MYOM2: variants seen among roughly 807,000 people sequenced by gnomAD.
MYOM2 encodes the protein myomesin-2.
Under a neutral mutation model 187.6 loss-of-function variants are expected in MYOM2, and 254 were observed. The ratio of observed to expected loss-of-function variants is 1.35; its 90% CI spans 1.22 to 1.50. The LOEUF is 1.50. MYOM2 is among the 40% of genes most tolerant of loss of function. The pLI is 0.00. For synonymous variants in MYOM2, 981 were observed against 753.8 expected (o/e 1.30, Z -4.94); for missense variants, 2,796 against 1,924.0 (o/e 1.45, Z -8.48).
intron 5 of MYOM2, 144 bp from the exon 6 acceptor site, chr8:2,059,009 C>G: frequency 1.5e-6 from 1 of 652,166 alleles, no homozygotes; most frequent in Admixed American, 2.7e-5. Flanking sequence ...TGGGCCTCAC[C>G]GTCAGGGCTC....
At chr8:2,063,713 C>T (rs1035889624) in intron 6 of MYOM2, among the ~76,000 whole-genome samples, 11 of 152,270 alleles carry the variant, frequency 7.2e-5, no homozygotes, top group African/African-American at 2.6e-4. Flanking sequence ...ACATGAGGCC[C>T]CAGCTGCCCA....
chr8:2,082,511 G>T (rs1446627165), intron 13 of MYOM2, among the ~76,000 whole-genome samples: 1 of 151,938 alleles, frequency 6.6e-6, no homozygotes, highest in Non-Finnish European at 1.5e-5. Context: ...TGCTATTTTT[G>T]ACTTTTTGCC....
At chr8:2,138,426 T>C (rs80030260) in intron 32 of MYOM2, among the ~76,000 whole-genome samples, 11,722 of 152,154 alleles carry the variant, frequency 0.077, 780 homozygotes, top group African/African-American at 0.17. Flanking sequence ...CAGCAACGTA[T>C]AGAATTCCAG....
chr8:2,093,086 C>T (rs1796364824), intron 16 of MYOM2, among the ~76,000 whole-genome samples: 1 of 152,130 alleles, frequency 6.6e-6, no homozygotes, highest in Non-Finnish European at 1.5e-5. Flanking sequence ...TTAGGCTTCT[C>T]TGCGATACGC....
At position 2,124,180 on chromosome 8, in the gene MYOM2, GTATGATGA is replaced by G. The variant is rs748755883; in HGVS notation, c.3664_3671del (p.Asp1222PhefsTer5). 16 of 1,612,376 alleles carry G rather than the reference GTATGATGA, an allele frequency of 9.9e-6. No individual in the cohort carries two copies. The highest frequency in any genetic ancestry group is 1.6e-4 in the Middle Eastern group (1 of 6,078). ...GTGCGTATCCCTTCTCATTTTCAGT[GTATGATGA>G]TATGATTTTGGCAATGAGTAGAGTC... On this transcript the variant is annotated frameshift_variant and splice_region_variant, in exon 31 of 37. Transcript: ENST00000262113. LOFTEE classifies it high-confidence loss of function.
Position 2,090,044 on chromosome 8 carries a change from G to A in MYOM2, c.1681G>A (p.Ala561Thr), listed in dbSNP as rs749033340. The A allele has an allele frequency of 9.3e-6, 15 of 1,613,886 alleles. No homozygotes were observed. The highest frequency in any genetic ancestry group is 1.1e-5 in the South Asian group (1 of 91,058). The stretch of plus-strand genomic sequence containing the variant: ...GAGCGGCAGCTGGCAGAGAGTCAAC[G>A]CCCAGACGGCTGTGAGATCCCCGAG... ...VGSGSWQRVN[A>T]QTAVRSPRYA... The change falls in exon 15 of 37, where the codon GCC (alanine) becomes ACC (threonine). Residue 561 changes from alanine to threonine, a missense_variant. Physicochemically the swap from Ala to Thr is moderately conservative, Grantham distance 58. Transcript: ENST00000262113.
intron 14 of MYOM2, among the ~76,000 whole-genome samples, chr8:2,086,461 C>CGTGGCCACACACTGTCATGATCTCTGT (rs1333941499): frequency 7.9e-5 from 11 of 139,948 alleles, no homozygotes; most frequent in South Asian, 4.4e-4. Flanking sequence ...GTGATCTCCA[C>CGTGGCCACACACTGTCATGATCTCTGT]GTGGCCACAC....
chr8:2,076,250 T>A lies in MYOM2; in HGVS notation c.1230T>A (p.Thr410=). The A allele has an allele frequency of 3.7e-6, 6 of 1,613,726 alleles. No individual in the cohort carries two copies. The highest frequency in any genetic ancestry group is 5.1e-6 in the Non-Finnish European group (6 of 1,179,920). Residue 410 remains threonine (T), a synonymous_variant, in exon 11 of 37, where the codon ACT becomes ACA. Transcript: ENST00000262113. The part of the protein sequence containing the change: ...IVTWKPPNTT[T]ESPVMGYFVD... ...CCTGGAAGCCGCCCAACACCACCAC[T>A]GAGAGCCCCGTCATGGGCTATTTTG...
In MYOM2 at chr8:2,052,297, C is replaced by A. The variant is rs1038498675; in HGVS notation, c.247C>A (p.Gln83Lys). Residue 83 changes from glutamine to lysine, a missense_variant, in exon 3 of 37, where the codon CAG (glutamine) becomes AAG (lysine). By Grantham distance (53) the Gln-to-Lys change is moderately conservative. Transcript: ENST00000262113. Reference sequence around the variant, plus strand: ...AGTGAGCACGCAGGAAGATGAGGAGCAGGAGAACAGAAGCAGGTGAGCACA... The same window carrying A: ...AGTGAGCACGCAGGAAGATGAGGAGAAGGAGAACAGAAGCAGGTGAGCACA... Reference protein sequence around the residue: ...KRVSTQEDEEQENRSRYQSLV... With the variant: ...KRVSTQEDEEKENRSRYQSLV... 1.6e-5 allele frequency: 25 copies of A among 1,604,436 alleles called. No homozygotes were observed. Among genetic ancestry groups the A allele is most frequent in the Non-Finnish European group, 2.0e-5 (23 of 1,175,380 alleles).
At chr8:2,141,872 T>A (rs1469914252) in intron 34 of MYOM2, among the ~76,000 whole-genome samples, 3 of 152,146 alleles carry the variant, frequency 2.0e-5, no homozygotes, top group Non-Finnish European at 4.4e-5. Flanking sequence ...GGGCAGCACA[T>A]CACACACAGC....
intron 15 of MYOM2, among the ~76,000 whole-genome samples, chr8:2,091,993 TG>T (rs1168810109): frequency 1.3e-5 from 2 of 152,178 alleles, no homozygotes; most frequent in Non-Finnish European, 2.9e-5. Flanking sequence ...TTCTTAAAAT[TG>T]GTTAATTTCC....
chr8:2,109,671 G>C (rs1404258126), intron 25 of MYOM2, 140 bp downstream of exon 25: 1 of 859,400 alleles, frequency 1.2e-6, no homozygotes, highest in African/African-American at 1.7e-5. Context: ...AGGTTGACAA[G>C]ATGAATGGAG....
intron 28 of MYOM2, among the ~76,000 whole-genome samples, chr8:2,122,454 G>C (rs1045307876): frequency 9.2e-5 from 14 of 152,216 alleles, no homozygotes; most frequent in Admixed American, 3.3e-4. Flanking sequence ...CGAGAACGAT[G>C]CCATTTCCCA....
chr8:2,047,886 C>G (rs770604817), intron 1 of MYOM2, among the ~76,000 whole-genome samples: 1 of 152,144 alleles, frequency 6.6e-6, no homozygotes, highest in Non-Finnish European at 1.5e-5. Flanking sequence ...CCGGATGTCA[C>G]GTCAGTGATA....
At chr8:2,076,511 G>C (rs1819428020) in intron 11 of MYOM2, 18 of 562,170 alleles carry the variant, frequency 3.2e-5, no homozygotes, top group Middle Eastern at 4.8e-4. Context: ...GAAAGTGGAG[G>C]CTCGTTTGCC....
intron 21 of MYOM2, 53 bp from the exon 22 acceptor site, chr8:2,106,189 G>C (rs902603330): frequency 1.9e-6 from 3 of 1,568,844 alleles, no homozygotes; most frequent in Non-Finnish European, 2.6e-6. Context: ...CCAAAAGAGA[G>C]TTGAAAGAAC....
chr8:2,046,712 G>A (rs968511686), intron 1 of MYOM2, among the ~76,000 whole-genome samples: 2 of 151,620 alleles, frequency 1.3e-5, no homozygotes, highest in Non-Finnish European at 1.5e-5. Flanking sequence ...ACTACCCTGC[G>A]AGGAAAAGCT....
chr8:2,105,522 G>A (rs1190249871), intron 21 of MYOM2, among the ~76,000 whole-genome samples: 1 of 152,188 alleles, frequency 6.6e-6, no homozygotes, highest in Non-Finnish European at 1.5e-5. Flanking sequence ...TGAAGGGGGA[G>A]CTTCATGGTG....
intron 36 of MYOM2, 46 bp downstream of exon 36, chr8:2,143,502 G>A (rs769067630): frequency 1.6e-5 from 26 of 1,608,102 alleles, no homozygotes; most frequent in African/African-American, 1.3e-4. Context: ...AGCACGGTGC[G>A]ATGGACGCAA....
Sources: gnomAD v4.1 joint callset for allele counts (sites outside exome capture counted in the v4.1 genomes callset) on GRCh38, gnomAD v4.1.1 for gene constraint, MANE v1.5 for transcripts, NCBI Gene and HGNC (gene_info 2026-07-23, HGNC 2026-07-21) for gene names.